MYO16: variants seen among roughly 807,000 people sequenced by gnomAD.
MYO16 encodes myosin XVI, also known as unconventional myosin-XVI.
A neutral mutation model predicts 205.3 loss-of-function variants in MYO16; 94 were observed. The ratio of observed to expected loss-of-function variants is 0.46; its 90% confidence interval spans 0.39 to 0.54. The LOEUF (loss-of-function observed/expected upper bound fraction) is 0.54. Ranked by LOEUF, MYO16 falls within the 20% of genes least tolerant of loss-of-function variation. The probability of loss-of-function intolerance (pLI) is 0.00; values close to 1 mark genes in which losing one functional copy is unlikely to be tolerated. For missense variants in MYO16, 2,315 were observed against 2,387.5 expected (o/e 0.97, Z 0.63); for synonymous variants, 988 against 954.0 (o/e 1.04, Z -0.66).
chr13:108,825,158 G>T (rs1039890054), intron 9 of MYO16, among the ~76,000 whole-genome samples: 2 of 151,942 alleles, frequency 1.3e-5, no homozygotes, highest in African/African-American at 4.8e-5. Context: ...TAAAACACCA[G>T]CAAATCAGGT....
intron 16 of MYO16, among the ~76,000 whole-genome samples, chr13:108,929,802 A>G (rs947797335): frequency 6.6e-6 from 1 of 152,234 alleles, no homozygotes; most frequent in African/African-American, 2.4e-5. Flanking sequence ...GCATTAAAAA[A>G]AAATGTACTT....
At chr13:108,985,536 G>A (rs528500774) in intron 20 of MYO16, among the ~76,000 whole-genome samples, 2 of 152,312 alleles carry the variant, frequency 1.3e-5, no homozygotes, top group Admixed American at 6.5e-5. Context: ...AACTCTTAAC[G>A]ATCAGTGAAA....
chr13:108,681,603 C>CA (rs1339192950), intron 2 of MYO16, among the ~76,000 whole-genome samples: 1 of 150,016 alleles, frequency 6.7e-6, no homozygotes, highest in African/African-American at 2.5e-5. Context: ...CCTCATCTTT[C>CA]TTTTTTTTTC....
At chr13:108,812,079 C>T (rs1159341099) in intron 7 of MYO16, among the ~76,000 whole-genome samples, 1 of 152,192 alleles carries the variant, frequency 6.6e-6, no homozygotes, top group African/African-American at 2.4e-5. Context: ...CTAGAATGCA[C>T]CACCACATAT....
intron 4 of MYO16, among the ~76,000 whole-genome samples, chr13:108,753,187 G>A (rs955435894): frequency 1.2e-4 from 18 of 151,708 alleles, no homozygotes; most frequent in Admixed American, 7.2e-4. Context: ...GACCAACACA[G>A]TGAAACCCTG....
the MYO16 span, among the ~76,000 whole-genome samples, chr13:108,524,824 A>AG: frequency 6.6e-6 from 1 of 152,182 alleles, no homozygotes; most frequent in African/African-American, 2.4e-5. Flanking sequence ...TAGAAATAAG[A>AG]GAAAAAAACA....
chr13:108,891,175 A>G (rs1343418035), intron 14 of MYO16, among the ~76,000 whole-genome samples: 1 of 152,252 alleles, frequency 6.6e-6, no homozygotes, highest in African/African-American at 2.4e-5. Context: ...AATACATTTA[A>G]TGTGGACAAC....
intron 31 of MYO16, among the ~76,000 whole-genome samples, chr13:109,137,514 G>A (rs1448777997): frequency 6.6e-6 from 1 of 152,222 alleles, no homozygotes; most frequent in Non-Finnish European, 1.5e-5. Flanking sequence ...GGGCTGCTAT[G>A]TTTTAGCCCA....
chr13:109,127,367 G>A lies in MYO16; in HGVS notation c.3868G>A (p.Val1290Ile), dbSNP rs377315850. 7 of 1,613,410 alleles carry A rather than the reference G, an allele frequency of 4.3e-6. No individual in the cohort carries two copies. Among genetic ancestry groups the A allele is most frequent in the African/African-American group, 2.7e-5 (2 of 74,926 alleles). ...CGTGGATGGCCTGGGCCAGTGCCTCGTTGGCCCGTCCATCTGGTCTCCTTC... is the reference window on the plus strand; with the variant it reads ...CGTGGATGGCCTGGGCCAGTGCCTCATTGGCCCGTCCATCTGGTCTCCTTC... ...AAVDGLGQCL[V>I]GPSIWSPSLH... Residue 1290 changes from valine (V) to isoleucine (I), a missense_variant, in exon 31 of 35, where the codon GTT becomes ATT. Val to Ile is a conservative substitution (Grantham distance 29). Coordinates refer to ENST00000457511, the MANE Select transcript of MYO16 (RefSeq NM_001198950.3). This position sits in a 1 kb window ranked among gnomAD's most constrained non-coding sequence, Gnocchi z 4.2.
At chr13:108,965,464 G>A (rs1480108899) in intron 20 of MYO16, among the ~76,000 whole-genome samples, 2 of 151,968 alleles carry the variant, frequency 1.3e-5, no homozygotes, top group East Asian at 1.9e-4. Flanking sequence ...GGGAGTGCAC[G>A]GGCACAATCT....
intron 32 of MYO16, among the ~76,000 whole-genome samples, chr13:109,150,146 C>A (rs755583377): frequency 6.6e-6 from 1 of 152,104 alleles, no homozygotes; most frequent in Non-Finnish European, 1.5e-5. Context: ...TTCTCAATAG[C>A]GACCATGATT....
intron 15 of MYO16, among the ~76,000 whole-genome samples, chr13:108,902,007 A>G (rs191238793): frequency 7.4e-4 from 112 of 152,356 alleles, no homozygotes; most frequent in East Asian, 6.9e-3. Context: ...ATGTTTTTGG[A>G]GTAAAGTGTT....
At chr13:108,682,836 T>A (rs1441172490) in intron 2 of MYO16, among the ~76,000 whole-genome samples, 3 of 152,130 alleles carry the variant, frequency 2.0e-5, no homozygotes, top group African/African-American at 4.8e-5. Flanking sequence ...AGTCCCCTGG[T>A]TAGGACTGAT....
intron 27 of MYO16, among the ~76,000 whole-genome samples, chr13:109,078,056 TC>T (rs979498309): frequency 1.1e-4 from 16 of 152,178 alleles, no homozygotes; most frequent in Non-Finnish European, 1.9e-4. Flanking sequence ...AATCTTCTGT[TC>T]ATCCAATTCA....
chr13:109,009,002 G>A lies in MYO16; in HGVS notation c.2548G>A (p.Ala850Thr), dbSNP rs371561459. The A allele has an allele frequency of 1.9e-6, 3 of 1,607,896 alleles. No individual in the cohort carries two copies. The highest frequency in any genetic ancestry group is 2.7e-5 in the African/African-American group (2 of 74,712). ...CVQEGVTMET[A>T]YSPGNQNGVL... Reference sequence around the variant, plus strand: ...ACAAGAGGGAGTTACCATGGAAACAGCATATTCTCCTGGTAACCAGAATGG... The same window carrying A: ...ACAAGAGGGAGTTACCATGGAAACAACATATTCTCCTGGTAACCAGAATGG... Residue 850 changes from alanine to threonine, a missense_variant, in exon 22 of 35, where the codon GCA (alanine) becomes ACA (threonine). By Grantham distance (58) the Ala-to-Thr change is moderately conservative. This residue lies in a region of MYO16 where 1,213 missense variants were observed against 1,274.4 expected (regional missense o/e 0.95). Transcript: ENST00000457511.
intron 23 of MYO16, among the ~76,000 whole-genome samples, chr13:109,025,186 T>C (rs2139539114): frequency 6.6e-6 from 1 of 152,246 alleles, no homozygotes; most frequent in African/African-American, 2.4e-5. Flanking sequence ...TGGAAATTCA[T>C]TACATTTCAT....
chr13:108,562,036 C>T, the MYO16 span, among the ~76,000 whole-genome samples: 3 of 152,162 alleles, frequency 2.0e-5, no homozygotes, highest in African/African-American at 2.4e-5. Flanking sequence ...TCTGTCTTAT[C>T]TTGGGCTGCT....
chr13:108,571,169 C>A, the MYO16 span, among the ~76,000 whole-genome samples: 3 of 151,550 alleles, frequency 2.0e-5, no homozygotes, highest in South Asian at 2.1e-4. Flanking sequence ...TAAGAAAATA[C>A]CTTTTTGATG....
intron 33 of MYO16, among the ~76,000 whole-genome samples, chr13:109,173,887 CAAAAAAAAAAAAAAAAAA>C (rs778094207): frequency 3.4e-5 from 1 of 29,110 alleles, no homozygotes; most frequent in Non-Finnish European, 5.9e-5. Context: ...GACTCCATCT[CAAAAAAAAAAAAAAAAAA>C]AAAAAAAAAG....
Sources: gnomAD v4.1 joint callset for allele counts (sites outside exome capture counted in the v4.1 genomes callset) on GRCh38, gnomAD v4.1.1 for gene constraint, gnomAD v4.1.1 regional missense constraint, Gnocchi (gnomAD v3.1) non-coding constraint, MANE v1.5 for transcripts, NCBI Gene and HGNC (gene_info 2026-07-23, HGNC 2026-07-21) for gene names.